Variants in LRBA observed in about 807,000 individuals in gnomAD.
The protein encoded by LRBA is lipopolysaccharide-responsive and beige-like anchor protein.
Under a neutral mutation model 330.0 loss-of-function variants are expected in LRBA, and 176 were observed. That is an observed-to-expected ratio of 0.53 (90% CI 0.47 to 0.60). LRBA has a LOEUF of 0.60. LRBA is among the 20% of genes least tolerant of loss of function. The pLI is 0.00. For missense variants in LRBA, 3,259 were observed against 3,444.8 expected (o/e 0.95, Z 1.35); for synonymous variants, 1,230 against 1,193.0 (o/e 1.03, Z -0.64).
At chr4:150,551,405 G>C (rs758054977) in intron 40 of LRBA, among the ~76,000 whole-genome samples, 3 of 152,128 alleles carry the variant, frequency 2.0e-5, no homozygotes, top group African/African-American at 7.2e-5. Context: ...AAAAGCAGGA[G>C]TGGTGGCTCA....
chr4:150,515,649 G>T (rs1001261262), intron 40 of LRBA, among the ~76,000 whole-genome samples: 2 of 151,850 alleles, frequency 1.3e-5, no homozygotes, highest in Non-Finnish European at 2.9e-5. Context: ...GTAAAACCTG[G>T]TATAAACATT....
intron 28 of LRBA, among the ~76,000 whole-genome samples, chr4:150,835,329 C>T (rs1335919031): frequency 1.3e-5 from 2 of 152,052 alleles, no homozygotes; most frequent in Non-Finnish European, 2.9e-5. Flanking sequence ...TAGTTTTATC[C>T]AATTCTGTGA....
chr4:150,580,359 A>C (rs1034634449), intron 40 of LRBA: 1 of 152,194 alleles, frequency 6.6e-6, no homozygotes, highest in Non-Finnish European at 1.5e-5. Flanking sequence ...AGGGTGACAA[A>C]CTGCCTGTGG....
chr4:150,930,689 A>C (rs551037433), intron 2 of LRBA, among the ~76,000 whole-genome samples: 1 of 152,302 alleles, frequency 6.6e-6, no homozygotes, highest in Non-Finnish European at 1.5e-5. Flanking sequence ...AAAAATGGAA[A>C]TGAACAATGT....
intron 4 of LRBA, among the ~76,000 whole-genome samples, chr4:150,927,069 CAAAAG>C (rs1347889027): frequency 1.6e-5 from 2 of 127,476 alleles, no homozygotes; most frequent in African/African-American, 6.0e-5. Flanking sequence ...GACTCCGTCT[CAAAAG>C]AAAGAAAAAA....
intron 51 of LRBA, chr4:150,310,693 A>G (rs1000665680): frequency 7.1e-5 from 16 of 225,296 alleles, no homozygotes; most frequent in Admixed American, 5.3e-4. Flanking sequence ...TACAATCTCC[A>G]GATTGCATCA....
chr4:150,572,869 C>T (rs1334646025), intron 40 of LRBA, among the ~76,000 whole-genome samples: 1 of 152,110 alleles, frequency 6.6e-6, no homozygotes, highest in Non-Finnish European at 1.5e-5. Flanking sequence ...CTACAAACTA[C>T]TTAGACCTAA....
intron 3 of LRBA, 22 bp from the exon 4 acceptor site, chr4:150,928,638 A>G (rs762722261): frequency 2.4e-5 from 37 of 1,555,310 alleles, no homozygotes; most frequent in Non-Finnish European, 3.3e-5. Context: ...AGAAAACGAT[A>G]AAATAACTCA....
intron 33 of LRBA, among the ~76,000 whole-genome samples, chr4:150,805,507 A>AGAAG (rs1578840390): frequency 1.0e-5 from 1 of 98,872 alleles, no homozygotes; most frequent in East Asian, 3.4e-4. Flanking sequence ...AGGAGGAGAA[A>AGAAG]GAGAAGGAAA....
intron 40 of LRBA, among the ~76,000 whole-genome samples, chr4:150,544,807 G>T (rs544911742): frequency 6.6e-6 from 1 of 152,202 alleles, no homozygotes; most frequent in Non-Finnish European, 1.5e-5. Context: ...CATATGCATT[G>T]CAACATTCAG....
intron 47 of LRBA, among the ~76,000 whole-genome samples, chr4:150,411,411 C>A (rs1746977028): frequency 6.6e-6 from 1 of 152,096 alleles, no homozygotes. Context: ...AATTAACAAC[C>A]AAATACTTAA....
chr4:150,598,870 A>T, intron 38 of LRBA, 137 bp downstream of exon 38: 1 of 957,482 alleles, frequency 1.0e-6, no homozygotes, highest in Non-Finnish European at 1.5e-6. Context: ...AAAAAAATTT[A>T]ACTTCTCTTT....
chr4:150,924,901 G>T (rs1270528588), intron 4 of LRBA, among the ~76,000 whole-genome samples: 1 of 151,902 alleles, frequency 6.6e-6, no homozygotes, highest in Non-Finnish European at 1.5e-5. Context: ...TAATGTTTGG[G>T]GCTGAGTGTG....
rs1354061740 is a variant in LRBA, at chr4:150,960,762, A to T, written c.217-31697T>A. On this transcript the variant is annotated intron_variant, in intron 2 of 56. Coordinates refer to ENST00000651943, the MANE Select transcript of LRBA (RefSeq NM_001364905.1). ...CAATAGTTACAGTTTTACAATAAAA[A>T]TTTTTATGAGAAAGTTCTGTCAATG... is the stretch of plus-strand genomic sequence containing the variant. 1.3e-5 allele frequency among the ~76,000 whole-genome samples: 2 copies of T among 149,278 alleles called. 1 individual carries two copies. The highest frequency in any genetic ancestry group is 5.2e-5 in the African/African-American group (2 of 38,694).
At chr4:150,745,658 G>A (rs1168607344) in intron 35 of LRBA, among the ~76,000 whole-genome samples, 3 of 152,010 alleles carry the variant, frequency 2.0e-5, no homozygotes, top group African/African-American at 7.2e-5. Context: ...TGGGATTACA[G>A]GCACGCACCA....
intron 16 of LRBA, among the ~76,000 whole-genome samples, chr4:150,894,123 G>T (rs563157081): frequency 6.6e-6 from 1 of 151,928 alleles, no homozygotes; most frequent in African/African-American, 2.4e-5. Flanking sequence ...TGTGGGGAAG[G>T]GTTATTCTCT....
chr4:150,637,844 G>T (rs928532118), intron 37 of LRBA, among the ~76,000 whole-genome samples: 1 of 152,160 alleles, frequency 6.6e-6, no homozygotes, highest in African/African-American at 2.4e-5. Context: ...ATTGCACTAT[G>T]AAATAATAAG....
At chr4:150,736,494 C>T (rs1442544464) in intron 35 of LRBA, among the ~76,000 whole-genome samples, 1 of 151,574 alleles carries the variant, frequency 6.6e-6, no homozygotes, top group African/African-American at 2.4e-5. Flanking sequence ...GGTTATTAAG[C>T]TCAGCCAAAA....
Position 150,844,202 on chromosome 4 carries a change from TG to T in LRBA, c.4466del (p.Pro1489GlnfsTer5), listed in dbSNP as rs1439160668. The stretch of plus-strand genomic sequence containing the variant: ...ATATACCGCCAGTCACAATGTCCAC[TG>T]GGCTCTATTTAAGATTAAAAAAAAA... Reference protein sequence around the residue: ...IPLGKSAAKSPVDIVTGGISP... With the variant: ...IPLGKSAAKSXVDIVTGGISP... On this transcript the variant is annotated frameshift_variant, in exon 28 of 57. Transcript: ENST00000651943. LOFTEE classifies it high-confidence loss of function. 6.3e-7 allele frequency: 1 copy of T among 1,574,954 alleles called. No homozygotes were observed.
Sources: gnomAD v4.1 joint callset for allele counts (sites outside exome capture counted in the v4.1 genomes callset) on GRCh38, gnomAD v4.1.1 for gene constraint, MANE v1.5 for transcripts, NCBI Gene and HGNC (gene_info 2026-07-23, HGNC 2026-07-21) for gene names.